The following ZFYVE26 variants were observed in gnomAD, a reference collection of about 807,000 sequenced individuals.
ZFYVE26 encodes the protein zinc finger FYVE-type containing 26, also known as zinc finger FYVE domain-containing protein 26.
A neutral mutation model predicts 276.5 loss-of-function variants in ZFYVE26; 181 were observed. The observed-to-expected ratio is 0.65, with a 90% CI of 0.58 to 0.74. ZFYVE26 has a LOEUF of 0.74. Ranked by LOEUF, ZFYVE26 falls within the 30% of genes least tolerant of loss-of-function variation. ZFYVE26 has a pLI of 0.00. For missense variants in ZFYVE26, 2,821 were observed against 3,097.9 expected (o/e 0.91, Z 2.12); for synonymous variants, 1,129 against 1,203.1 (o/e 0.94, Z 1.27).
At chr14:67,795,238 T>C (rs1337954780) in intron 12 of ZFYVE26, among the ~76,000 whole-genome samples, 1 of 152,208 alleles carries the variant, frequency 6.6e-6, no homozygotes, top group East Asian at 1.9e-4. Context: ...GGATGCAAAC[T>C]CTGCCTTCTG....
chr14:67,731,785 G>A (rs1400811343), intron 13 of ZFYVE26, among the ~76,000 whole-genome samples: 1 of 152,054 alleles, frequency 6.6e-6, no homozygotes, highest in Admixed American at 6.6e-5. Context: ...GAGCCAAGCA[G>A]AGTGTGAAGG....
chr14:67,764,660 C>T (rs1232635052), intron 32 of ZFYVE26, among the ~76,000 whole-genome samples: 1 of 152,192 alleles, frequency 6.6e-6, no homozygotes, highest in African/African-American at 2.4e-5. Flanking sequence ...TGAATCCACT[C>T]CCATCAACAA....
intron 24 of ZFYVE26, 148 bp downstream of exon 24, chr14:67,777,978 C>G: frequency 7.6e-7 from 1 of 1,320,536 alleles, no homozygotes; most frequent in Non-Finnish European, 1.1e-6. Context: ...TAGGCCCCTT[C>G]TGCTCAAGAT....
chr14:67,729,362 T>C lies in ZFYVE26; in HGVS notation n.3137A>G, dbSNP rs1442558629. 3.1e-6 allele frequency: 5 copies of C among 1,597,826 alleles called. No homozygotes were observed. The highest frequency in any genetic ancestry group is 4.2e-6 in the Non-Finnish European group (5 of 1,179,776). ...GCCCTGGCTGAGGGCCTGGAGCCCCTGAGTGGCAAGTACTTCAGGTGTGTG... is the reference window on the plus strand; with the variant it reads ...GCCCTGGCTGAGGGCCTGGAGCCCCCGAGTGGCAAGTACTTCAGGTGTGTG... On this transcript the variant is annotated non_coding_transcript_exon_variant, in exon 14 of 15. Transcript: ENST00000394455.
At position 67,802,183 on chromosome 14, in the gene ZFYVE26, C is replaced by T; in HGVS notation, c.1535G>A (p.Cys512Tyr). Residue 512 changes from cysteine (C) to tyrosine (Y), a missense_variant, in exon 10 of 42, where the codon TGT becomes TAT. By Grantham distance (194) the Cys-to-Tyr change is radical (BLOSUM62 -2). Coordinates refer to ENST00000347230, the MANE Select transcript of ZFYVE26 (RefSeq NM_015346.4). ...CTGGGAGTGCTGGTGTGAGTTTACACAGAGGGCATAGATGGCATACTTCAT... is the reference window on the plus strand; with the variant it reads ...CTGGGAGTGCTGGTGTGAGTTTACATAGAGGGCATAGATGGCATACTTCAT... The part of the protein sequence containing the change: ...CAMKYAIYAL[C>Y]VNSHQHSQCQ... 6.2e-7 allele frequency: 1 copy of T among 1,614,144 alleles called. No individual in the cohort carries two copies. Among genetic ancestry groups the T allele is most frequent in the Non-Finnish European group, 8.5e-7 (1 of 1,180,038 alleles).
At chr14:67,773,529 G>A (rs1366303854) in intron 27 of ZFYVE26, among the ~76,000 whole-genome samples, 1 of 36,494 alleles carries the variant, frequency 2.7e-5, no homozygotes, top group Non-Finnish European at 6.4e-5. Context: ...GTGAGATCCT[G>A]TCTCCAAAAA....
At chr14:67,740,908 C>CAA (rs201856776) in intron 13 of ZFYVE26, among the ~76,000 whole-genome samples, 6 of 132,998 alleles carry the variant, frequency 4.5e-5, no homozygotes, top group South Asian at 2.3e-4. Flanking sequence ...GACTCTGTCT[C>CAA]AAAAAAAAAA....
rs752171935 is a variant in ZFYVE26 at position 67,761,593 on chromosome 14, A to T, written c.6370-9T>A. On this transcript the variant is annotated splice_polypyrimidine_tract_variant and intron_variant, in intron 34 of 41. Transcript: ENST00000347230. ...AAGTAATCGTCATCTTGCTGACAGC[A>T]CAGGGAGCGAGAGAGAAAAATGAAA... 2.5e-6 allele frequency: 4 copies of T among 1,612,978 alleles called. No homozygotes were observed. In the Admixed American group the frequency reaches 6.7e-5, roughly 27 times the overall value.
intron 13 of ZFYVE26, among the ~76,000 whole-genome samples, chr14:67,738,164 T>C (rs1164340185): frequency 6.6e-6 from 1 of 151,960 alleles, no homozygotes; most frequent in Non-Finnish European, 1.5e-5. Flanking sequence ...TGGAGCCATT[T>C]CTACCAGCAA....
At position 67,772,909 on chromosome 14, in the gene ZFYVE26, A is replaced by G. The variant is rs374785877; in HGVS notation, c.5321-699T>C. Among the ~76,000 whole-genome samples, 7 of 152,292 alleles carry G rather than the reference A, an allele frequency of 4.6e-5. No homozygotes were observed. The East Asian group carries it at 5.8e-4, about 13-fold the overall frequency. ...CCAGGAGTTCAAGGTTATAGTAGCC[A>G]TGATCATACTACTGCACTCTGGCCT... On this transcript the variant is annotated intron_variant, in intron 27 of 41. Transcript: ENST00000347230.
At chr14:67,811,765 A>G (rs558409906) in intron 3 of ZFYVE26, among the ~76,000 whole-genome samples, 1 of 149,418 alleles carries the variant, frequency 6.7e-6, no homozygotes, top group South Asian at 2.1e-4. Context: ...TATATATAAC[A>G]TATGTTAGTT....
chr14:67,729,257 C>T, exon 14 of ZFYVE26: 5 of 1,608,970 alleles, frequency 3.1e-6, no homozygotes, highest in Non-Finnish European at 4.2e-6. Context: ...CGGCACTCCT[C>T]CCTGCTCTGC....
At chr14:67,759,123 T>G (rs1324826719) in intron 35 of ZFYVE26, among the ~76,000 whole-genome samples, 4 of 149,986 alleles carry the variant, frequency 2.7e-5, no homozygotes, top group Non-Finnish European at 5.9e-5. Flanking sequence ...CGGGCGCTTG[T>G]AGTCCTACCT....
chr14:67,766,580 C>A (rs1425541646), intron 31 of ZFYVE26, 133 bp from the exon 32 acceptor site: 3 of 809,114 alleles, frequency 3.7e-6, no homozygotes, highest in Non-Finnish European at 6.0e-6. Flanking sequence ...GAACCAGATT[C>A]TACAAGAAAG....
rs775204619 is a variant in ZFYVE26, at chr14:67,772,159, G to A, written c.5372C>T (p.Thr1791Ile). ...PSLRERSFPP[T>I]QPSQEFVPPA... is the part of the protein sequence containing the mutation. ...GGGCACAAATTCCTGTGAGGGCTGG[G>A]TTGGTGGGAAACTCCTTTCCCTTAG... Residue 1791 changes from threonine (T) to isoleucine (I), a missense_variant, in exon 28 of 42, where the codon ACC (threonine) becomes ATC (isoleucine). Thr to Ile is a moderately conservative substitution (Grantham distance 89). Coordinates refer to ENST00000347230, the MANE Select transcript of ZFYVE26 (RefSeq NM_015346.4). 3.1e-6 allele frequency: 5 copies of A among 1,613,338 alleles called. No homozygotes were observed. Among genetic ancestry groups the A allele is most frequent in the Non-Finnish European group, 4.2e-6 (5 of 1,179,822 alleles).
At chr14:67,735,634 G>A (rs1218167916) in intron 13 of ZFYVE26, among the ~76,000 whole-genome samples, 1 of 152,210 alleles carries the variant, frequency 6.6e-6, no homozygotes, top group Non-Finnish European at 1.5e-5. Context: ...GATGAGAAGG[G>A]CTCAGGGATT....
In ZFYVE26 at chr14:67,798,317, C is replaced by T. The variant is rs144790966; in HGVS notation, c.1945G>A (p.Val649Met). The T allele has an allele frequency of 1.8e-4, 296 of 1,613,358 alleles. No individual in the cohort carries two copies. The African/African-American group carries it at 3.4e-3, about 19-fold the overall frequency. Residue 649 changes from valine to methionine, a missense_variant, in exon 11 of 42, where the codon GTG becomes ATG. Coordinates refer to ENST00000347230, the MANE Select transcript of ZFYVE26 (RefSeq NM_015346.4). The stretch of plus-strand genomic sequence containing the variant: ...TAACTGTCTTTTGGCTCTGCCTTCA[C>T]ATGGCTTGGCATTGTATAAGCAAGG... The part of the protein sequence containing the change: ...KTLAYTMPSH[V>M]KAEPKDSYPG...
At chr14:67,751,539 C>T (rs2038643702) in intron 40 of ZFYVE26, 1 of 248,436 alleles carries the variant, frequency 4.0e-6, no homozygotes, top group African/African-American at 2.2e-5. Context: ...TGCCACCACA[C>T]CCGGCTGACT....
intron 13 of ZFYVE26, among the ~76,000 whole-genome samples, chr14:67,737,088 C>CTTTTTTTTTTTTTTT (rs71129855): frequency 2.9e-5 from 3 of 104,800 alleles, no homozygotes; most frequent in African/African-American, 7.0e-5. Context: ...TTTTTCTTTT[C>CTTTTTTTTTTTTTTT]TTTTTTTTTT....
Sources: allele counts gnomAD v4.1 joint callset (sites outside exome capture counted in the v4.1 genomes callset), GRCh38; gene constraint gnomAD v4.1.1; transcripts MANE v1.5; gene names NCBI Gene and HGNC (gene_info 2026-07-23, HGNC 2026-07-21).